The following ANKHD1 variants were observed in gnomAD, a reference collection of about 807,000 sequenced individuals.
ANKHD1 encodes the protein ankyrin repeat and KH domain-containing protein 1.
In ANKHD1, 31 loss-of-function variants were observed where a neutral mutation model predicts 230.5. The observed-to-expected ratio is 0.13, with a 90% CI of 0.10 to 0.18. ANKHD1 has a LOEUF of 0.18. Among genes scored for constraint, ANKHD1 ranks in the 10% least tolerant of loss-of-function variants. The pLI is 1.00. For missense variants in ANKHD1, 2,256 were observed against 3,071.3 expected (o/e 0.73, Z 6.27); for synonymous variants, 1,074 against 1,117.6 (o/e 0.96, Z 0.78).
chr5:140,440,945 A>G (rs766989209), intron 4 of ANKHD1, 50 bp from the exon 5 acceptor site: 1 of 1,488,024 alleles, frequency 6.7e-7, no homozygotes, highest in Non-Finnish European at 8.9e-7. Context: ...TAGAAATACT[A>G]TTGAATAGTA....
chr5:140,409,108 G>T (rs774621948), intron 1 of ANKHD1, among the ~76,000 whole-genome samples: 1 of 152,066 alleles, frequency 6.6e-6, no homozygotes, highest in African/African-American at 2.4e-5. Context: ...GAGAGCTACC[G>T]GTCTAGAGGC....
intron 1 of ANKHD1, among the ~76,000 whole-genome samples, chr5:140,431,812 T>C (rs1404886660): frequency 2.0e-5 from 3 of 152,208 alleles, no homozygotes; most frequent in African/African-American, 4.8e-5. Flanking sequence ...AGAGAAGTTA[T>C]CAGCCTCTGA....
Position 140,402,123 on chromosome 5 carries a change from A to G in ANKHD1, c.156A>G (p.Pro52=), listed in dbSNP as rs1194753544. 6.5e-7 allele frequency: 1 copy of G among 1,541,070 alleles called. No individual in the cohort carries two copies. Residue 52 remains proline (P), a synonymous_variant, in exon 1 of 34, where the codon CCA becomes CCG. Transcript: ENST00000360839. ...RTVRLFGEAG[P]ASGVGSSGGG... is the part of the protein sequence containing the mutation. ...TGAGGCTCTTTGGGGAGGCCGGGCC[A>G]GCGTCGGGAGTCGGCAGCAGCGGCG... is the stretch of plus-strand genomic sequence containing the variant.
chr5:140,468,602 T>A (rs1271215608), intron 10 of ANKHD1, among the ~76,000 whole-genome samples: 1 of 152,220 alleles, frequency 6.6e-6, no homozygotes, highest in East Asian at 1.9e-4. Context: ...ACCCAAGTCC[T>A]CTTTTATAAG....
Position 140,485,673 on chromosome 5 carries a change from C to T in ANKHD1, c.2083C>T (p.Leu695=). 6.2e-7 allele frequency: 1 copy of T among 1,613,998 alleles called. No homozygotes were observed. Among genetic ancestry groups the T allele is most frequent in the Non-Finnish European group, 8.5e-7 (1 of 1,179,952 alleles). ...SYLLDYPNNV[L]SVPTTDVSQL... ...TCTGTTGGATTATCCAAATAATGTT[C>T]TGTCAGTTCCCACCACAGATGTGTC... Residue 695 remains leucine (L), a synonymous_variant, in exon 13 of 34, where the codon CTG becomes TTG. Coordinates refer to ENST00000360839, the MANE Select transcript of ANKHD1 (RefSeq NM_017747.3). The surrounding 1 kb of genome is among the most constrained non-coding windows in gnomAD (Gnocchi z 4.8).
chr5:140,407,332 TATTTTAA>T (rs1200476552), intron 1 of ANKHD1, among the ~76,000 whole-genome samples: 3 of 151,920 alleles, frequency 2.0e-5, no homozygotes, highest in African/African-American at 7.2e-5. Flanking sequence ...AAATGGTTTT[TATTTTAA>T]ATTTTTATTT....
chr5:140,427,324 C>T (rs1168157975), intron 1 of ANKHD1, among the ~76,000 whole-genome samples: 19 of 125,718 alleles, frequency 1.5e-4, no homozygotes, highest in African/African-American at 1.5e-4. Context: ...GGTGGGGGGC[C>T]GACCCCCCCA....
intron 1 of ANKHD1, among the ~76,000 whole-genome samples, chr5:140,415,532 GGGTTCA>G (rs1771299862): frequency 7.1e-6 from 1 of 141,134 alleles, no homozygotes; most frequent in Admixed American, 7.5e-5. Context: ...TCCACCTTCT[GGGTTCA>G]GGCGATTCTC....
chr5:140,523,566 T>C (rs1581372492), intron 24 of ANKHD1, among the ~76,000 whole-genome samples: 1 of 129,582 alleles, frequency 7.7e-6, no homozygotes, highest in Middle Eastern at 3.7e-3. Context: ...GACTGTTTAC[T>C]TTTTTTTTTT....
At chr5:140,495,028 G>C (rs1295671193) in intron 14 of ANKHD1, among the ~76,000 whole-genome samples, 2 of 151,984 alleles carry the variant, frequency 1.3e-5, no homozygotes, top group African/African-American at 4.8e-5. Context: ...TCTTATGCCT[G>C]TTTGCAATTG....
intron 6 of ANKHD1, 42 bp from the exon 7 acceptor site, chr5:140,449,169 C>T (rs1322372322): frequency 3.9e-6 from 6 of 1,540,300 alleles, no homozygotes; most frequent in South Asian, 1.2e-5. Context: ...AAATATTAAA[C>T]TGATAGTGAA....
intron 1 of ANKHD1, among the ~76,000 whole-genome samples, chr5:140,435,540 G>A (rs998978217): frequency 6.6e-5 from 10 of 151,668 alleles, no homozygotes; most frequent in Admixed American, 2.6e-4. Context: ...CACCACGCCC[G>A]GCTAATTTTT....
chr5:140,495,601 C>T (rs926649572), intron 14 of ANKHD1, among the ~76,000 whole-genome samples: 3 of 152,000 alleles, frequency 2.0e-5, no homozygotes, highest in Non-Finnish European at 2.9e-5. Flanking sequence ...AGGTATTGTA[C>T]GTCAAAAAAT....
At chr5:140,441,999 T>G (rs1177163784) in intron 5 of ANKHD1, among the ~76,000 whole-genome samples, 2 of 151,678 alleles carry the variant, frequency 1.3e-5, no homozygotes, top group African/African-American at 4.8e-5. Flanking sequence ...TTTTACATGT[T>G]GAGTTTGCTG....
intron 24 of ANKHD1, among the ~76,000 whole-genome samples, chr5:140,518,109 A>G (rs1201889814): frequency 6.6e-6 from 1 of 152,258 alleles, no homozygotes; most frequent in Non-Finnish European, 1.5e-5. Context: ...AGGGGATATC[A>G]CCACTGATCC....
intron 10 of ANKHD1, among the ~76,000 whole-genome samples, chr5:140,477,747 G>T (rs1328176542): frequency 1.3e-5 from 2 of 152,146 alleles, no homozygotes. Context: ...AAGTAGCTGG[G>T]ATTACAGGCA....
chr5:140,421,296 C>CTTTTTTTT (rs35408466), intron 1 of ANKHD1, among the ~76,000 whole-genome samples: 3 of 94,510 alleles, frequency 3.2e-5, no homozygotes, highest in African/African-American at 1.1e-4. Flanking sequence ...AGAGTTTTTA[C>CTTTTTTTT]TTTTTTTTTT....
At chr5:140,470,384 T>C (rs1369215632) in intron 10 of ANKHD1, among the ~76,000 whole-genome samples, 4 of 151,658 alleles carry the variant, frequency 2.6e-5, no homozygotes, top group African/African-American at 9.7e-5. Context: ...GGTGATATTT[T>C]CTTTTTTTTA....
chr5:140,427,641 G>C (rs1314612019), intron 1 of ANKHD1, among the ~76,000 whole-genome samples: 1 of 145,664 alleles, frequency 6.9e-6, no homozygotes, highest in East Asian at 2.1e-4. Context: ...CTGGCCGGGC[G>C]GGGGGCTGAC....
Sources: gnomAD v4.1 joint callset for allele counts (sites outside exome capture counted in the v4.1 genomes callset) on GRCh38, gnomAD v4.1.1 for gene constraint, Gnocchi (gnomAD v3.1) non-coding constraint, MANE v1.5 for transcripts, NCBI Gene and HGNC (gene_info 2026-07-23, HGNC 2026-07-21) for gene names.